Variants in MAGOHB observed in about 807,000 individuals in gnomAD.
MAGOHB encodes the protein mago homolog B, exon junction complex subunit.
A neutral mutation model predicts 20.9 loss-of-function variants in MAGOHB; 15 were observed. The ratio of observed to expected loss-of-function variants is 0.72; its 90% confidence interval spans 0.48 to 1.11. MAGOHB has a LOEUF of 1.11. Ranked by LOEUF, MAGOHB falls within the 50% of genes least tolerant of loss-of-function variation. The pLI is 0.00. For synonymous variants in MAGOHB, 50 were observed against 57.9 expected, an observed-to-expected ratio of 0.86 and a Z score of 0.62; for missense variants, 162 against 177.6, an observed-to-expected ratio of 0.91 and a Z score of 0.50.
At chr12:10,612,329 G>A (rs1026443) in intron 1 of MAGOHB, among the ~76,000 whole-genome samples, 2 of 151,860 alleles carry the variant, frequency 1.3e-5, no homozygotes, top group African/African-American at 4.8e-5. Context: ...ACTAGGGAGG[G>A]GGAGGTTGCA....
intron 1 of MAGOHB, among the ~76,000 whole-genome samples, chr12:10,611,257 T>C (rs1036552701): frequency 8.5e-5 from 13 of 152,210 alleles, no homozygotes; most frequent in Non-Finnish European, 1.8e-4. Context: ...TGCAGACATT[T>C]TAGAATTATG....
intron 1 of MAGOHB, among the ~76,000 whole-genome samples, chr12:10,613,234 A>G (rs943176527): frequency 4.6e-5 from 7 of 152,172 alleles, no homozygotes; most frequent in South Asian, 4.1e-4. Context: ...TGTAGGTTCA[A>G]CTTTTCAGTT....
rs747985473 is a variant in MAGOHB, at chr12:10,610,685, G to A, written c.95-5C>T. On this transcript the variant is annotated splice_polypyrimidine_tract_variant and splice_region_variant and intron_variant, in intron 1 of 4. Transcript: ENST00000320756. ...TGTTGGCATATCTAAGCTTTCCTGT[G>A]GGAAGTGGAAAAAAATCAATTTATA... is the stretch of plus-strand genomic sequence containing the variant. 2.0e-5 allele frequency: 32 copies of A among 1,570,294 alleles called. No homozygotes were observed. Among genetic ancestry groups the A allele is most frequent in the Non-Finnish European group, 2.6e-5 (30 of 1,165,928 alleles).
chr12:10,611,471 GCA>G (rs1273818385), intron 1 of MAGOHB, among the ~76,000 whole-genome samples: 1 of 152,058 alleles, frequency 6.6e-6, no homozygotes, highest in African/African-American at 2.4e-5. Context: ...TTGGCACCAG[GCA>G]CAGTGGCTCA....
chr12:10,603,557 A>AG (rs1220268229), downstream of MAGOHB, among the ~76,000 whole-genome samples: 1 of 151,428 alleles, frequency 6.6e-6, no homozygotes, highest in African/African-American at 2.5e-5. Flanking sequence ...GCAAAAAAAA[A>AG]AAAGGATTCC....
intron 3 of MAGOHB, 94 bp from the exon 4 acceptor site, chr12:10,608,030 A>C: frequency 1.5e-6 from 1 of 688,584 alleles, no homozygotes; most frequent in Non-Finnish European, 2.4e-6. Context: ...TTTAGTTGCA[A>C]GTTTTCTAGC....
chr12:10,604,342 CAG>C lies in MAGOHB; in HGVS notation c.*1931_*1932del, dbSNP rs1348035072. 164 of 152,264 alleles carry C rather than the reference CAG, an allele frequency of 1.1e-3. No homozygotes were observed. Among genetic ancestry groups the C allele is most frequent in the Middle Eastern group, 6.8e-3 (2 of 294 alleles). 9.4% of individuals were successfully genotyped at this position (152,264 alleles called of 1,614,324 possible). On this transcript the variant is annotated 3_prime_UTR_variant, in exon 5 of 5. Transcript: ENST00000320756. The stretch of plus-strand genomic sequence containing the variant: ...CAGCAACTTACAATCAAATAAAAGA[CAG>C]ATCAAAGTATAAGAAAATTGTAGAC...
At chr12:10,611,005 G>A (rs991078883) in intron 1 of MAGOHB, among the ~76,000 whole-genome samples, 3 of 152,172 alleles carry the variant, frequency 2.0e-5, no homozygotes, top group Non-Finnish European at 4.4e-5. Context: ...TTTGTTATAT[G>A]TCTGTATCGG....
chr12:10,606,401 T>C, intron 4 of MAGOHB, 27 bp from the exon 5 acceptor site: 3 of 1,251,730 alleles, frequency 2.4e-6, no homozygotes, highest in Non-Finnish European at 3.4e-6. Flanking sequence ...TAAAAGTTAC[T>C]TTTTCTTCCT....
At position 10,606,077 on chromosome 12, in the gene MAGOHB, A is replaced by G. The variant is rs75274181; in HGVS notation, c.*198T>C. 2.5e-3 allele frequency: 870 copies of G among 348,554 alleles called. 3 individuals carry two copies. The highest frequency in any genetic ancestry group is 0.017 in the African/African-American group (825 of 47,346). 21.6% of individuals were successfully genotyped at this position (348,554 alleles called of 1,614,324 possible). On this transcript the variant is annotated 3_prime_UTR_variant, in exon 5 of 5. Coordinates refer to ENST00000320756, the MANE Select transcript of MAGOHB (RefSeq NM_018048.5). ...AAGGTGGCTTTCATTTACAGAATTT[A>G]ATGTGTGTGGGGACTGTCCAACCCA...
downstream of MAGOHB, among the ~76,000 whole-genome samples, chr12:10,600,178 G>A (rs977728536): frequency 6.6e-6 from 1 of 151,304 alleles, no homozygotes; most frequent in African/African-American, 2.4e-5. Flanking sequence ...TGTATGTTGT[G>A]CTTACTATCA....
intron 3 of MAGOHB, chr12:10,609,435 C>T: frequency 2.3e-6 from 1 of 425,762 alleles, no homozygotes; most frequent in Middle Eastern, 3.5e-4. Context: ...AAAGAAACCA[C>T]CAATCAAGTT....
At position 10,613,596 on chromosome 12, in the gene MAGOHB, T is replaced by A; in HGVS notation, c.-64A>T. The A allele has an allele frequency of 9.3e-7, 1 of 1,075,762 alleles. No homozygotes were observed. The highest frequency in any genetic ancestry group is 1.5e-6 in the Non-Finnish European group (1 of 688,744). The allele number at this position is 1,075,762 out of a possible 1,614,324, so 66.6% of individuals were successfully genotyped here. ...TGTCCCCCGGCGCCTTGCAGTGACG[T>A]CATCGCGCGGAATAAGTGCGTCACC... On this transcript the variant is annotated 5_prime_UTR_variant, in exon 1 of 5. Coordinates refer to ENST00000320756, the MANE Select transcript of MAGOHB (RefSeq NM_018048.5).
downstream of MAGOHB, among the ~76,000 whole-genome samples, chr12:10,600,691 G>C (rs1865545789): frequency 6.6e-6 from 1 of 152,100 alleles, no homozygotes; most frequent in South Asian, 2.1e-4. Flanking sequence ...ATTCATTTTT[G>C]TCACTCCACC....
At chr12:10,603,016 C>A (rs994584563), downstream of MAGOHB, among the ~76,000 whole-genome samples, 4 of 152,138 alleles carry the variant, frequency 2.6e-5, no homozygotes, top group Non-Finnish European at 5.9e-5. Context: ...TAATGCCTAA[C>A]TTTTATCCCA....
intron 4 of MAGOHB, among the ~76,000 whole-genome samples, chr12:10,606,892 TCCAATATTTAGGAATAGTTC>T (rs2120509922): frequency 1.3e-5 from 2 of 152,226 alleles, no homozygotes; most frequent in East Asian, 3.9e-4. Flanking sequence ...ATAAAGCTTT[TCCAATATTTAGGAATAGTTC>T]CATAGAAGAG....
chr12:10,606,676 T>C (rs915958981), intron 4 of MAGOHB, among the ~76,000 whole-genome samples: 7 of 152,106 alleles, frequency 4.6e-5, no homozygotes, highest in African/African-American at 1.7e-4. Flanking sequence ...TACCATTTCA[T>C]AGAATAACTA....
At position 10,610,043 on chromosome 12, in the gene MAGOHB, T is replaced by C. The variant is rs1021015870; in HGVS notation, c.154-102A>G. The C allele has an allele frequency of 6.0e-5, 36 of 603,860 alleles. 1 individual carries two copies. The highest frequency in any genetic ancestry group is 5.0e-4 in the African/African-American group (26 of 52,348). 37.4% of individuals were successfully genotyped at this position (603,860 alleles called of 1,614,324 possible). A position where few individuals can be genotyped will look rare whatever the true frequency, so the allele number is the denominator to read the frequency against. ...CCCTGAATATCCAAATAGAGGAATA[T>C]AGAAAAATTTAATTGATTCCAAAAG... On this transcript the variant is annotated intron_variant, in intron 2 of 4. Coordinates refer to ENST00000320756, the MANE Select transcript of MAGOHB (RefSeq NM_018048.5).
At chr12:10,603,756 C>T (rs1022988579), downstream of MAGOHB, among the ~76,000 whole-genome samples, 2 of 152,100 alleles carry the variant, frequency 1.3e-5, no homozygotes, top group African/African-American at 2.4e-5. Context: ...TCTGAACTCA[C>T]CCTCAAATCC....
Sources: gnomAD v4.1 joint callset for allele counts (sites outside exome capture counted in the v4.1 genomes callset) on GRCh38, gnomAD v4.1.1 for gene constraint, MANE v1.5 for transcripts, NCBI Gene and HGNC (gene_info 2026-07-23, HGNC 2026-07-21) for gene names.